Variants in CAMK2D observed in about 807,000 individuals in gnomAD.
The protein encoded by CAMK2D is calcium/calmodulin-dependent protein kinase type II subunit delta.
In CAMK2D, 37 loss-of-function variants were observed where a neutral mutation model predicts 84.0. That is an observed-to-expected ratio of 0.44 (90% CI 0.34 to 0.58). The LOEUF (loss-of-function observed/expected upper bound fraction) is 0.58, where lower values mean the gene tolerates loss of function less well. Among genes scored for constraint, CAMK2D ranks in the 20% least tolerant of loss-of-function variants. CAMK2D has a pLI of 0.02. For synonymous variants in CAMK2D, 202 were observed against 212.5 expected, an observed-to-expected ratio of 0.95 and a Z score of 0.43; for missense variants, 448 against 652.5, an observed-to-expected ratio of 0.69 and a Z score of 3.41.
intron 6 of CAMK2D, among the ~76,000 whole-genome samples, chr4:113,546,294 G>T (rs2098570788): frequency 6.6e-6 from 1 of 152,168 alleles, no homozygotes; most frequent in Non-Finnish European, 1.5e-5. Context: ...AAGAATTTTT[G>T]AGGTGACTGT....
intron 3 of CAMK2D, among the ~76,000 whole-genome samples, chr4:113,641,706 T>C (rs556670122): frequency 1.3e-5 from 2 of 152,320 alleles, no homozygotes; most frequent in African/African-American, 4.8e-5. Flanking sequence ...CCTGGGTGCT[T>C]GATTTAAAAA....
rs558910650 is a variant in CAMK2D, at chr4:113,748,037, T to A, written c.160+11283A>T. 1.5e-4 allele frequency among the ~76,000 whole-genome samples: 23 copies of A among 152,180 alleles called. 1 individual carries two copies. The highest frequency in any genetic ancestry group is 1.4e-3 in the Admixed American group (22 of 15,296). ...GAACTTGTTTTTTTTCCTACCTATC[T>A]CTCAGTTCAAAAACTGATTCTTTTG... On this transcript the variant is annotated intron_variant, in intron 2 of 20. Coordinates refer to ENST00000511664, the MANE Select transcript of CAMK2D (RefSeq NM_001321571.2).
At chr4:113,542,144 T>C (rs942685154) in intron 6 of CAMK2D, among the ~76,000 whole-genome samples, 3 of 152,084 alleles carry the variant, frequency 2.0e-5, no homozygotes, top group Admixed American at 6.5e-5. Context: ...AGAACCAGAG[T>C]GTAACTAACT....
chr4:113,456,021 A>G (rs1052773896), intron 19 of CAMK2D, among the ~76,000 whole-genome samples, 200 bp from the exon 20 acceptor site: 1 of 152,108 alleles, frequency 6.6e-6, no homozygotes, highest in Non-Finnish European at 1.5e-5. Flanking sequence ...TGTCTTCATT[A>G]TCTTCATATT....
chr4:113,460,305 T>C lies in CAMK2D; in HGVS notation c.1212-64A>G. The stretch of plus-strand genomic sequence containing the variant: ...TGCTTTAATGTGTTTTGTTGTTTCA[T>C]GTGTAAACATTCTGATTTACCAGTC... On this transcript the variant is annotated intron_variant, in intron 17 of 20. Transcript: ENST00000511664. The C allele has an allele frequency of 6.8e-6, 6 of 884,896 alleles. 1 individual carries two copies. The South Asian group carries it at 7.1e-5, about 10-fold the overall frequency. 54.8% of individuals were successfully genotyped at this position (884,896 alleles called of 1,614,324 possible).
At chr4:113,482,199 T>C (rs1193284194) in intron 16 of CAMK2D, among the ~76,000 whole-genome samples, 1 of 152,196 alleles carries the variant, frequency 6.6e-6, no homozygotes, top group East Asian at 1.9e-4. Context: ...TAAGAAGCTA[T>C]GTCAATAATA....
In CAMK2D at chr4:113,661,785, A is replaced by G; in HGVS notation, c.161-13T>C. On this transcript the variant is annotated splice_polypyrimidine_tract_variant and intron_variant, in intron 2 of 20. Coordinates refer to ENST00000511664, the MANE Select transcript of CAMK2D (RefSeq NM_001321571.2). ...AGTTTCTGATGATCTGTTAAAAAAA[A>G]AAACAGAATAAGGCAAAAATAAAGC... 1.4e-6 allele frequency: 2 copies of G among 1,436,494 alleles called. No homozygotes were observed. Among genetic ancestry groups the G allele is most frequent in the Admixed American group, 2.2e-5 (1 of 45,186 alleles). The allele number at this position is 1,436,494 out of a possible 1,614,324, so 89.0% of individuals were successfully genotyped here.
At chr4:113,633,540 T>C (rs2099098611) in intron 3 of CAMK2D, among the ~76,000 whole-genome samples, 1 of 152,210 alleles carries the variant, frequency 6.6e-6, no homozygotes, top group African/African-American at 2.4e-5. Context: ...CTCATTCAGT[T>C]TACCAAACAT....
At chr4:113,459,797 T>G (rs1282599093) in intron 18 of CAMK2D, among the ~76,000 whole-genome samples, 1 of 152,066 alleles carries the variant, frequency 6.6e-6, no homozygotes, top group Non-Finnish European at 1.5e-5. Context: ...CAGCTAATTT[T>G]GTATTTTTAG....
intron 14 of CAMK2D, 50 bp downstream of exon 14, chr4:113,504,921 CAAAAA>C: frequency 1.2e-6 from 1 of 818,046 alleles, no homozygotes; most frequent in Non-Finnish European, 1.7e-6. Flanking sequence ...AGAGAAACCA[CAAAAA>C]AAAAAAAATG....
intron 12 of CAMK2D, among the ~76,000 whole-genome samples, chr4:113,510,851 T>C (rs1188265572): frequency 4.3e-5 from 6 of 138,466 alleles, no homozygotes; most frequent in Non-Finnish European, 9.6e-5. Flanking sequence ...GTTAACTTCA[T>C]TAATCTTTAG....
chr4:113,726,550 T>TTTTG (rs543292271), intron 2 of CAMK2D, among the ~76,000 whole-genome samples: 2,192 of 150,922 alleles, frequency 0.015, 46 homozygotes, highest in African/African-American at 0.033. Context: ...CCTGGCTAAT[T>TTTTG]TTTGTTTGTT....
intron 2 of CAMK2D, among the ~76,000 whole-genome samples, chr4:113,697,852 T>G (rs1305765160): frequency 6.6e-6 from 1 of 152,116 alleles, no homozygotes; most frequent in Non-Finnish European, 1.5e-5. Context: ...TCATGGTGTT[T>G]AAAAGAACCC....
intron 3 of CAMK2D, among the ~76,000 whole-genome samples, chr4:113,643,176 C>A (rs1372118544): frequency 6.6e-6 from 1 of 152,178 alleles, no homozygotes; most frequent in Admixed American, 6.5e-5. Context: ...CATTACATTT[C>A]TTCAATCTAT....
At chr4:113,457,267 A>G (rs759032418) in intron 19 of CAMK2D, 68 bp downstream of exon 19, 2 of 1,585,244 alleles carry the variant, frequency 1.3e-6, no homozygotes, top group Non-Finnish European at 1.7e-6. Context: ...GCTATTAACA[A>G]TGGAATAAGT....
chr4:113,532,877 C>T (rs2098467214), intron 7 of CAMK2D, among the ~76,000 whole-genome samples: 1 of 151,752 alleles, frequency 6.6e-6, no homozygotes, highest in African/African-American at 2.4e-5. Flanking sequence ...TTTTCTCTAC[C>T]TCTTTTCTAA....
At chr4:113,573,984 T>A (rs1467417781) in intron 4 of CAMK2D, among the ~76,000 whole-genome samples, 1 of 152,218 alleles carries the variant, frequency 6.6e-6, no homozygotes, top group East Asian at 1.9e-4. Context: ...TTAACTATCT[T>A]CAGTAGATGT....
intron 3 of CAMK2D, among the ~76,000 whole-genome samples, chr4:113,648,513 T>C (rs2099160253): frequency 6.6e-6 from 1 of 152,172 alleles, no homozygotes; most frequent in Non-Finnish European, 1.5e-5. Flanking sequence ...TATACACAAA[T>C]GAAAGTAGTT....
At chr4:113,730,341 T>C (rs954696899) in intron 2 of CAMK2D, among the ~76,000 whole-genome samples, 1 of 152,210 alleles carries the variant, frequency 6.6e-6, no homozygotes, top group Non-Finnish European at 1.5e-5. Flanking sequence ...TTCAAAATAA[T>C]ATGATGAATT....
Sources: gnomAD v4.1 joint callset for allele counts (sites outside exome capture counted in the v4.1 genomes callset) on GRCh38, gnomAD v4.1.1 for gene constraint, MANE v1.5 for transcripts, NCBI Gene and HGNC (gene_info 2026-07-23, HGNC 2026-07-21) for gene names.